The following FBXO4 variants were observed in gnomAD, a reference collection of about 807,000 sequenced individuals.
FBXO4 encodes F-box protein 4.
In FBXO4, 36 loss-of-function variants were observed where a neutral mutation model predicts 43.7. That is an observed-to-expected ratio of 0.82 (90% CI 0.63 to 1.09). The LOEUF (loss-of-function observed/expected upper bound fraction) is 1.09, where lower values mean the gene tolerates loss of function less well. Among genes scored for constraint, FBXO4 ranks in the 50% least tolerant of loss-of-function variants. The probability of loss-of-function intolerance (pLI) is 0.00; values close to 1 mark genes in which losing one functional copy is unlikely to be tolerated. For synonymous variants in FBXO4, 180 were observed against 165.6 expected, an observed-to-expected ratio of 1.09 and a Z score of -0.67; for missense variants, 435 against 474.1, an observed-to-expected ratio of 0.92 and a Z score of 0.77.
At chr5:41,936,679 G>T (rs1458281116) in intron 5 of FBXO4, among the ~76,000 whole-genome samples, 2 of 151,978 alleles carry the variant, frequency 1.3e-5, no homozygotes, top group African/African-American at 2.4e-5. Flanking sequence ...GACAACAGAT[G>T]AATAGTTCCT....
downstream of FBXO4, among the ~76,000 whole-genome samples, chr5:41,942,430 T>A (rs567972788): frequency 1.1e-4 from 16 of 150,678 alleles, no homozygotes; most frequent in African/African-American, 2.7e-4. Flanking sequence ...TATCTTTTTT[T>A]AAAATGGCAT....
At chr5:41,949,092 C>T in the FBXO4 span, among the ~76,000 whole-genome samples, 3 of 152,234 alleles carry the variant, frequency 2.0e-5, no homozygotes, top group Admixed American at 6.5e-5. Flanking sequence ...TTATGACAAA[C>T]GCACAGCCTA....
downstream of FBXO4, among the ~76,000 whole-genome samples, chr5:41,945,772 G>T (rs533939388): frequency 3.9e-5 from 6 of 152,216 alleles, no homozygotes; most frequent in South Asian, 1.2e-3. Flanking sequence ...TAGGGTTAAG[G>T]CATACTCCCT....
At chr5:41,984,655 T>C in the FBXO4 span, among the ~76,000 whole-genome samples, 2 of 152,032 alleles carry the variant, frequency 1.3e-5, no homozygotes, top group African/African-American at 4.8e-5. Context: ...TGGCCAGGAG[T>C]GTATGAAGAT....
the FBXO4 span, chr5:41,967,439 A>G: frequency 1.7e-6 from 1 of 576,600 alleles, no homozygotes; most frequent in Non-Finnish European, 3.4e-6. Flanking sequence ...TGCAACAGAT[A>G]TTACAATATC....
chr5:41,960,004 TTTTA>T, the FBXO4 span, among the ~76,000 whole-genome samples: 1 of 151,988 alleles, frequency 6.6e-6, no homozygotes, highest in Non-Finnish European at 1.5e-5. Flanking sequence ...TGGGATATCT[TTTTA>T]TTTATTTGTG....
chr5:41,979,233 AGTT>A, the FBXO4 span, among the ~76,000 whole-genome samples: 1 of 152,156 alleles, frequency 6.6e-6, no homozygotes, highest in Non-Finnish European at 1.5e-5. Flanking sequence ...AACTCTCTCA[AGTT>A]GTTGGATTAA....
chr5:41,966,244 T>A, the FBXO4 span, among the ~76,000 whole-genome samples: 45 of 152,076 alleles, frequency 3.0e-4, no homozygotes, highest in African/African-American at 1.1e-3. Flanking sequence ...CATATATACA[T>A]ATGTAACTAA....
chr5:42,039,366 A>G, the FBXO4 span, among the ~76,000 whole-genome samples: 3,048 of 152,166 alleles, frequency 0.02, 111 homozygotes, highest in African/African-American at 0.07. Flanking sequence ...GCTCTGTAAA[A>G]TCGGGCAACC....
the FBXO4 span, among the ~76,000 whole-genome samples, chr5:42,016,090 A>G: frequency 6.6e-6 from 1 of 152,200 alleles, no homozygotes. Context: ...GAAAAGATAC[A>G]TATATTAATT....
At chr5:41,988,702 G>T in the FBXO4 span, among the ~76,000 whole-genome samples, 142 of 152,260 alleles carry the variant, frequency 9.3e-4, no homozygotes, top group African/African-American at 3.2e-3. Context: ...TCCAGTTGGG[G>T]TGTAGCAGTT....
At chr5:41,936,109 A>C (rs978243282) in intron 5 of FBXO4, among the ~76,000 whole-genome samples, 1 of 152,252 alleles carries the variant, frequency 6.6e-6, no homozygotes, top group Non-Finnish European at 1.5e-5. Context: ...GCTCTTCTAC[A>C]TAAAACACCT....
the FBXO4 span, among the ~76,000 whole-genome samples, chr5:41,981,864 G>A: frequency 1.3e-5 from 2 of 150,672 alleles, no homozygotes; most frequent in African/African-American, 4.9e-5. Context: ...TCCTCATTTA[G>A]CATTAGGTAT....
the FBXO4 span, among the ~76,000 whole-genome samples, chr5:41,984,033 A>G: frequency 6.6e-6 from 1 of 152,036 alleles, no homozygotes; most frequent in South Asian, 2.1e-4. Context: ...ACAGCCTATC[A>G]GGACAGAGAT....
At chr5:42,031,822 T>G in the FBXO4 span, among the ~76,000 whole-genome samples, 1 of 151,852 alleles carries the variant, frequency 6.6e-6, no homozygotes, top group Non-Finnish European at 1.5e-5. Flanking sequence ...TACATGTCCT[T>G]ATTGGGAGAG....
At chr5:41,995,174 A>T in the FBXO4 span, among the ~76,000 whole-genome samples, 5 of 152,218 alleles carry the variant, frequency 3.3e-5, no homozygotes, top group Admixed American at 6.5e-5. Flanking sequence ...CTTTAGCCGT[A>T]AAGTGAGTGC....
chr5:42,006,887 G>GATATATATATATATATATATATATATAT, the FBXO4 span, among the ~76,000 whole-genome samples: 48 of 79,060 alleles, frequency 6.1e-4, 1 homozygote, highest in South Asian at 7.9e-4. Flanking sequence ...GGTTCATGCT[G>GATATATATATATATATATATATATATAT]ATATATATAT....
chr5:41,943,355 A>G (rs1013789007), downstream of FBXO4, among the ~76,000 whole-genome samples: 12 of 152,164 alleles, frequency 7.9e-5, no homozygotes. Flanking sequence ...CCTAACCCAA[A>G]TTTCCACTCT....
At chr5:41,998,863 ACT>A in the FBXO4 span, among the ~76,000 whole-genome samples, 1 of 151,738 alleles carries the variant, frequency 6.6e-6, no homozygotes, top group Admixed American at 6.6e-5. Flanking sequence ...AGGAGATAAG[ACT>A]CTCACTCAGG....
Sources: allele counts gnomAD v4.1 joint callset (sites outside exome capture counted in the v4.1 genomes callset), GRCh38; gene constraint gnomAD v4.1.1; transcripts MANE v1.5; gene names NCBI Gene and HGNC (gene_info 2026-07-23, HGNC 2026-07-21).